Variants in LIMS2 observed in about 807,000 individuals in gnomAD.
LIMS2 encodes the protein LIM and senescent cell antigen-like-containing domain protein 2.
In LIMS2, 30 loss-of-function variants were observed where a neutral mutation model predicts 45.3. The observed-to-expected ratio is 0.66, with a 90% CI of 0.50 to 0.90. The LOEUF is 0.90. Among genes scored for constraint, LIMS2 ranks in the 40% least tolerant of loss-of-function variants. The pLI is 0.00. For synonymous variants in LIMS2, 173 were observed against 188.0 expected (o/e 0.92, Z 0.65); for missense variants, 485 against 468.7 (o/e 1.03, Z -0.32).
intron 1 of LIMS2, chr2:127,674,606 A>C: frequency 2.0e-6 from 2 of 982,388 alleles, no homozygotes; most frequent in African/African-American, 1.7e-5. Flanking sequence ...GGAAGGCTCC[A>C]GAGATGACAC....
chr2:127,656,405 T>A (rs1684252640), intron 2 of LIMS2, among the ~76,000 whole-genome samples: 1 of 150,764 alleles, frequency 6.6e-6, no homozygotes, highest in South Asian at 2.1e-4. Flanking sequence ...GCCTCCTTTT[T>A]TTTTTCTTTC....
chr2:127,657,479 T>C lies in LIMS2; in HGVS notation c.95A>G (p.Asn32Ser), dbSNP rs764187109. The C allele has an allele frequency of 2.2e-4, 348 of 1,613,590 alleles. 1 individual carries two copies. The Admixed American group carries it at 2.6e-3, about 12-fold the overall frequency. The change falls in exon 2 of 10, where the codon AAT (asparagine) becomes AGT (serine). Residue 32 changes from asparagine to serine, a missense_variant. By Grantham distance (46) the Asn-to-Ser change is conservative. Transcript: ENST00000355119. ...GCAGTGCTCATGGTACAGCTCCCCA[T>C]TGCTGTTGACAATGCGCTCGGCGGG... ...FSPAERIVNS[N>S]GELYHEHCFV...
intron 7 of LIMS2, chr2:127,640,539 C>G (rs1682301559): frequency 1.6e-6 from 1 of 616,468 alleles, no homozygotes; most frequent in Non-Finnish European, 2.9e-6. Flanking sequence ...CAGAAGGCCC[C>G]TCTGCTCTGG....
In LIMS2 at chr2:127,653,443, G is replaced by A. The variant is rs183427504; in HGVS notation, c.359+981C>T. On this transcript the variant is annotated intron_variant, in intron 4 of 9. Coordinates refer to ENST00000355119, the MANE Select transcript of LIMS2 (RefSeq NM_001161403.3). This position sits in a 1 kb window ranked among gnomAD's most constrained non-coding sequence, Gnocchi z 5.3. ...GGTGACATGTGGGCAGCTGAGGACA[G>A]CGAGAGAGAGGCCTGAAGTGGAGCC... Among the ~76,000 whole-genome samples, 1 of 152,332 alleles carries A rather than the reference G, an allele frequency of 6.6e-6. No homozygotes were observed.
intron 1 of LIMS2, among the ~76,000 whole-genome samples, chr2:127,661,073 A>G (rs931107925): frequency 5.9e-5 from 9 of 152,242 alleles, no homozygotes; most frequent in Admixed American, 1.3e-4. Flanking sequence ...GCATGCAGAG[A>G]CAACGGAGAC....
rs1019496752 is a variant in LIMS2, at chr2:127,642,387, A to G, written c.510-188T>C. The G allele has an allele frequency of 1.6e-6, 1 of 611,536 alleles. No homozygotes were observed. Among genetic ancestry groups the G allele is most frequent in the South Asian group, 2.4e-5 (1 of 42,512 alleles). 37.9% of individuals were successfully genotyped at this position (611,536 alleles called of 1,614,324 possible). A position where few individuals can be genotyped will look rare whatever the true frequency, so the allele number is the denominator to read the frequency against. The stretch of plus-strand genomic sequence containing the variant: ...GTGCCCCAGACAGGCCCTGGAGCAC[A>G]GACTTCCTGCACAGCCCAGAAGAGT... On this transcript the variant is annotated intron_variant, in intron 5 of 9. Coordinates refer to ENST00000355119, the MANE Select transcript of LIMS2 (RefSeq NM_001161403.3). This position sits in a 1 kb window ranked among gnomAD's most constrained non-coding sequence, Gnocchi z 5.3.
In LIMS2 at chr2:127,649,808, G is replaced by A. The variant is rs893137045; in HGVS notation, c.359+4616C>T. 1.6e-5 allele frequency: 9 copies of A among 569,218 alleles called. 1 individual carries two copies. The highest frequency in any genetic ancestry group is 3.8e-5 in the African/African-American group (2 of 52,880). 35.3% of individuals were successfully genotyped at this position (569,218 alleles called of 1,614,324 possible). A position where few individuals can be genotyped will look rare whatever the true frequency, so the allele number is the denominator to read the frequency against. On this transcript the variant is annotated intron_variant, in intron 4 of 9. Coordinates refer to ENST00000355119, the MANE Select transcript of LIMS2 (RefSeq NM_001161403.3). ...TGGCCTTCAAACGTGGGCAAGCCAC[G>A]AGGCCTCCAGGCCTCTCTGGGGCTG...
At position 127,639,097 on chromosome 2, in the gene LIMS2, G is replaced by C; in HGVS notation, c.*184C>G. The C allele has an allele frequency of 1.5e-6, 1 of 651,820 alleles. No individual in the cohort carries two copies. Among genetic ancestry groups the C allele is most frequent in the South Asian group, 2.0e-5 (1 of 49,850 alleles). The allele number at this position is 651,820 out of a possible 1,614,324, so 40.4% of individuals were successfully genotyped here. ...CTGCCTCCTCACAGACAGAAGCCAC[G>C]GCCAAGGAGAGGAGAGACATGGGGA... is the stretch of plus-strand genomic sequence containing the variant. On this transcript the variant is annotated 3_prime_UTR_variant, in exon 10 of 10. Coordinates refer to ENST00000355119, the MANE Select transcript of LIMS2 (RefSeq NM_001161403.3).
chr2:127,651,118 A>C (rs1207270427), intron 4 of LIMS2: 1 of 1,613,406 alleles, frequency 6.2e-7, no homozygotes, highest in Non-Finnish European at 8.5e-7. Context: ...ATCAGCGCCG[A>C]CCGTTTCCTG....
At chr2:127,640,031 C>T in intron 9 of LIMS2, 39 bp downstream of exon 9, 2 of 1,601,840 alleles carry the variant, frequency 1.2e-6, no homozygotes, top group East Asian at 2.2e-5. Context: ...CAGGAGCCCC[C>T]TCCACCCTGA....
intron 4 of LIMS2, among the ~76,000 whole-genome samples, chr2:127,643,874 C>G (rs534594772): frequency 6.6e-6 from 1 of 152,314 alleles, no homozygotes; most frequent in Non-Finnish European, 1.5e-5. Flanking sequence ...CCAGGCCCCC[C>G]AGCCCCAGGG....
chr2:127,644,017 G>A, intron 4 of LIMS2: 1 of 456,054 alleles, frequency 2.2e-6, no homozygotes, highest in South Asian at 1.6e-5. Context: ...ATGGTGGGCA[G>A]ACCCCAGATG....
rs78022502 is a variant in LIMS2, at chr2:127,638,592, A to C, written c.*689T>G. On this transcript the variant is annotated 3_prime_UTR_variant, in exon 10 of 10. Transcript: ENST00000355119. ...CTGGCCCCACCCAAGGGCTCGACACAAGCCCCAAGGTCGGGGGGAGAGGGG... is the reference window on the plus strand; with the variant it reads ...CTGGCCCCACCCAAGGGCTCGACACCAGCCCCAAGGTCGGGGGGAGAGGGG... 0.055 allele frequency: 8,481 copies of C among 152,812 alleles called. 268 individuals carry two copies. The highest frequency in any genetic ancestry group is 0.07 in the Middle Eastern group (21 of 298). 9.5% of individuals were successfully genotyped at this position (152,812 alleles called of 1,614,324 possible). A position where few individuals can be genotyped will look rare whatever the true frequency, so the allele number is the denominator to read the frequency against.
intron 1 of LIMS2, among the ~76,000 whole-genome samples, chr2:127,660,606 C>G (rs996799705): frequency 6.6e-6 from 1 of 152,192 alleles, no homozygotes; most frequent in African/African-American, 2.4e-5. Flanking sequence ...AAGGAAGAAA[C>G]TCCGGACATA....
rs376052829 is a variant in LIMS2, at chr2:127,640,058, A to G, written c.878+12T>C. On this transcript the variant is annotated intron_variant, in intron 9 of 9. Coordinates refer to ENST00000355119, the MANE Select transcript of LIMS2 (RefSeq NM_001161403.3). Reference sequence around the variant, plus strand: ...CCACCCTGAGCCCCATCCCACGATCACAGGGACTCACTTCAGGGTGAGCTT... The same window carrying G: ...CCACCCTGAGCCCCATCCCACGATCGCAGGGACTCACTTCAGGGTGAGCTT... 5 of 1,612,788 alleles carry G rather than the reference A, an allele frequency of 3.1e-6. No individual in the cohort carries two copies. The highest frequency in any genetic ancestry group is 2.7e-5 in the African/African-American group (2 of 74,928).
At chr2:127,673,806 A>G (rs1183319438) in intron 1 of LIMS2, 1 of 1,471,150 alleles carries the variant, frequency 6.8e-7, no homozygotes, top group African/African-American at 1.4e-5. Flanking sequence ...AATGGGAGGC[A>G]GCCCCGCTAG....
At position 127,642,654 on chromosome 2, in the gene LIMS2, G is replaced by C; in HGVS notation, c.509+269C>G. ...CTTCCACTGCTCCATCTCAACCCTC[G>C]TCTGCAGTCTAGGGGTCCAGCCCAC... On this transcript the variant is annotated intron_variant, in intron 5 of 9. Coordinates refer to ENST00000355119, the MANE Select transcript of LIMS2 (RefSeq NM_001161403.3). The surrounding 1 kb of genome is among the most constrained non-coding windows in gnomAD (Gnocchi z 5.3). The C allele has an allele frequency of 2.1e-6, 1 of 479,394 alleles. No homozygotes were observed. Among genetic ancestry groups the C allele is most frequent in the Non-Finnish European group, 3.8e-6 (1 of 266,508 alleles). The allele number at this position is 479,394 out of a possible 1,614,324, so 29.7% of individuals were successfully genotyped here.
chr2:127,648,957 G>GAAGA (rs1683299467), intron 4 of LIMS2, among the ~76,000 whole-genome samples: 1 of 37,552 alleles, frequency 2.7e-5, no homozygotes, highest in African/African-American at 1.1e-4. Flanking sequence ...GAGGGGAGGG[G>GAAGA]AGGGGAGGGG....
In LIMS2 at chr2:127,647,138, C is replaced by T. The variant is rs1358130098; in HGVS notation, c.360-4066G>A. ...CTGCCGTCACTCAGGGCCCTGAGCC[C>T]AGTAACACTCTGCCGTCACTGTCCT... On this transcript the variant is annotated intron_variant, in intron 4 of 9. Transcript: ENST00000355119. This position sits in a 1 kb window ranked among gnomAD's most constrained non-coding sequence, Gnocchi z 4.3. 6.6e-6 allele frequency among the ~76,000 whole-genome samples: 1 copy of T among 152,184 alleles called. No individual in the cohort carries two copies. Among genetic ancestry groups the T allele is most frequent in the Non-Finnish European group, 1.5e-5 (1 of 68,028 alleles).
Sources: gnomAD v4.1 joint callset for allele counts (sites outside exome capture counted in the v4.1 genomes callset) on GRCh38, gnomAD v4.1.1 for gene constraint, Gnocchi (gnomAD v3.1) non-coding constraint, MANE v1.5 for transcripts, NCBI Gene and HGNC (gene_info 2026-07-23, HGNC 2026-07-21) for gene names.